The following DOCK2 variants were observed in gnomAD, a reference collection of about 807,000 sequenced individuals.
DOCK2 encodes the protein dedicator of cytokinesis protein 2.
A neutral mutation model predicts 248.9 loss-of-function variants in DOCK2; 87 were observed. The ratio of observed to expected loss-of-function variants is 0.35; its 90% CI spans 0.29 to 0.42. The LOEUF is 0.42. DOCK2 is among the 10% of genes least tolerant of loss of function. The probability of loss-of-function intolerance (pLI) is 1.00; values close to 1 mark genes in which losing one functional copy is unlikely to be tolerated. For missense variants in DOCK2, 1,747 were observed against 2,300.2 expected (o/e 0.76, Z 4.92); for synonymous variants, 805 against 821.6 (o/e 0.98, Z 0.35).
Position 169,676,578 on chromosome 5 carries a change from C to T in DOCK2, c.470+2133C>T, listed in dbSNP as rs567544378. Among the ~76,000 whole-genome samples, 11 of 152,280 alleles carry T rather than the reference C, an allele frequency of 7.2e-5. 1 individual carries two copies. The South Asian group carries it at 2.1e-3, about 29-fold the overall frequency. Reference sequence around the variant, plus strand: ...AGCGAGAGAGTTGGGCAACTTATCACTGGCCTGATAGTTTAGGTGCTCAGA... The same window carrying T: ...AGCGAGAGAGTTGGGCAACTTATCATTGGCCTGATAGTTTAGGTGCTCAGA... On this transcript the variant is annotated intron_variant, in intron 6 of 51. Transcript: ENST00000520908.
chr5:169,641,339 G>C (rs191279658), intron 1 of DOCK2, among the ~76,000 whole-genome samples: 1 of 152,302 alleles, frequency 6.6e-6, no homozygotes, highest in Non-Finnish European at 1.5e-5. Context: ...TTCACAGCTT[G>C]GTTGGGGAAT....
At chr5:169,710,923 G>A (rs1190995109) in intron 15 of DOCK2, among the ~76,000 whole-genome samples, 4 of 152,150 alleles carry the variant, frequency 2.6e-5, no homozygotes, top group East Asian at 1.9e-4. Context: ...TGTGTAACAC[G>A]GAACAATGAG....
rs1554091066 is a variant in DOCK2, at chr5:169,704,787, G to GTGTGTA, written c.1383+2365_1383+2366insATGTGT. On this transcript the variant is annotated intron_variant, in intron 14 of 51. Transcript: ENST00000520908. Reference sequence around the variant, plus strand: ...TGTGTGTGTGTGTGTGTGTGTGTGTGTGTGTGTGTGTGTGTGTGTATGTGT... The same window carrying GTGTGTA: ...TGTGTGTGTGTGTGTGTGTGTGTGTGTGTGTATGTGTGTGTGTGTGTGTGTATGTGT... 2.6e-4 allele frequency among the ~76,000 whole-genome samples: 38 copies of GTGTGTA among 146,984 alleles called. No homozygotes were observed. The East Asian group carries it at 6.2e-3, about 24-fold the overall frequency.
intron 33 of DOCK2, among the ~76,000 whole-genome samples, chr5:170,025,835 C>CCTTCCTTCCTTG: frequency 8.0e-6 from 1 of 124,904 alleles, no homozygotes; most frequent in African/African-American, 3.1e-5. Flanking sequence ...TTCCTTCCTT[C>CCTTCCTTCCTTG]CTTCCTTCCT....
chr5:169,851,792 A>G (rs1770628380), intron 27 of DOCK2, among the ~76,000 whole-genome samples: 1 of 152,098 alleles, frequency 6.6e-6, no homozygotes, highest in Non-Finnish European at 1.5e-5. Flanking sequence ...AAGGGGGAAG[A>G]GCCCCTTTAT....
chr5:169,896,929 C>CT (rs1773644866), intron 27 of DOCK2, among the ~76,000 whole-genome samples: 1 of 152,172 alleles, frequency 6.6e-6, no homozygotes, highest in Non-Finnish European at 1.5e-5. Context: ...TGAGCATCAA[C>CT]TTTGACGTGA....
intron 27 of DOCK2, among the ~76,000 whole-genome samples, chr5:169,952,357 C>T (rs1339661178): frequency 2.0e-5 from 3 of 152,040 alleles, no homozygotes; most frequent in Admixed American, 6.6e-5. Flanking sequence ...GTCCTTTCTC[C>T]AAGTAACTCA....
intron 27 of DOCK2, among the ~76,000 whole-genome samples, chr5:169,977,762 G>A (rs779278818): frequency 1.3e-5 from 2 of 152,168 alleles, no homozygotes; most frequent in African/African-American, 2.4e-5. Flanking sequence ...GCACACCTTA[G>A]TTTTCCCAAA....
rs577304720 is a variant in DOCK2, at chr5:169,875,301, G to A, written c.2799+34449G>A. On this transcript the variant is annotated intron_variant, in intron 27 of 51. Transcript: ENST00000520908. ...TCAGTGGCTTTGGGGCTGAAACCCA[G>A]CAACAAGTTTCCATAGACACCCAGG... 689 of 456,672 alleles carry A rather than the reference G, an allele frequency of 1.5e-3. 1 individual carries two copies. The highest frequency in any genetic ancestry group is 2.3e-3 in the Non-Finnish European group (529 of 226,952). 28.3% of individuals were successfully genotyped at this position (456,672 alleles called of 1,614,324 possible).
intron 51 of DOCK2, 38 bp from the exon 52 acceptor site, chr5:170,082,758 T>C: frequency 6.2e-7 from 1 of 1,613,518 alleles, no homozygotes; most frequent in South Asian, 1.1e-5. Flanking sequence ...AATCTGATAA[T>C]CGCATCTTGG....
At chr5:169,772,686 A>G (rs932217489) in intron 25 of DOCK2, among the ~76,000 whole-genome samples, 1 of 152,198 alleles carries the variant, frequency 6.6e-6, no homozygotes, top group Non-Finnish European at 1.5e-5. Flanking sequence ...CACAGTGATA[A>G]TAATTCTGAA....
At chr5:170,081,496 C>A in intron 50 of DOCK2, 1 of 239,332 alleles carries the variant, frequency 4.2e-6, no homozygotes. Context: ...GAGAGAAATC[C>A]AGGGTGTTGG....
rs546404687 is a variant in DOCK2, at chr5:169,648,454, C to T, written c.44-5949C>T. ...TGTCACTGGCTCGCTAAAAACTGTGCGCTACAATATGCAGCCCATAAGGTT... is the reference window on the plus strand; with the variant it reads ...TGTCACTGGCTCGCTAAAAACTGTGTGCTACAATATGCAGCCCATAAGGTT... On this transcript the variant is annotated intron_variant, in intron 1 of 51. Transcript: ENST00000520908. Among the ~76,000 whole-genome samples, 26 of 152,260 alleles carry T rather than the reference C, an allele frequency of 1.7e-4. No individual in the cohort carries two copies. The South Asian group carries it at 2.7e-3, about 16-fold the overall frequency.
chr5:169,935,552 A>G (rs1775949512), intron 27 of DOCK2, among the ~76,000 whole-genome samples: 1 of 152,164 alleles, frequency 6.6e-6, no homozygotes, highest in Admixed American at 6.5e-5. Context: ...GGAGACTATT[A>G]AGAAGCCAGC....
At chr5:169,844,704 T>A (rs981759615) in intron 27 of DOCK2, among the ~76,000 whole-genome samples, 1 of 151,918 alleles carries the variant, frequency 6.6e-6, no homozygotes, top group African/African-American at 2.4e-5. Context: ...CAATGATGAA[T>A]GATATTGATC....
chr5:170,078,785 A>C (rs1462943714), intron 48 of DOCK2, among the ~76,000 whole-genome samples, 190 bp from the exon 49 acceptor site: 2 of 152,200 alleles, frequency 1.3e-5, no homozygotes, highest in African/African-American at 4.8e-5. Context: ...AACTTTACTC[A>C]TCACATTTAA....
At chr5:169,784,317 A>G (rs1765872858) in intron 25 of DOCK2, among the ~76,000 whole-genome samples, 1 of 152,188 alleles carries the variant, frequency 6.6e-6, no homozygotes, top group Non-Finnish European at 1.5e-5. Flanking sequence ...CAAAACACAG[A>G]CGGGAAAAGT....
At chr5:170,050,672 A>G (rs1756881902) in intron 41 of DOCK2, among the ~76,000 whole-genome samples, 1 of 152,146 alleles carries the variant, frequency 6.6e-6, no homozygotes, top group Non-Finnish European at 1.5e-5. Flanking sequence ...CTAGAATGTC[A>G]ACTGTATAAG....
intron 11 of DOCK2, 85 bp from the exon 12 acceptor site, chr5:169,699,297 T>G: frequency 7.4e-7 from 1 of 1,356,642 alleles, no homozygotes; most frequent in Non-Finnish European, 1.0e-6. Flanking sequence ...CTGAGGCGTG[T>G]GGAGGGGCTG....
Sources: allele counts gnomAD v4.1 joint callset (sites outside exome capture counted in the v4.1 genomes callset), GRCh38; gene constraint gnomAD v4.1.1; transcripts MANE v1.5; gene names NCBI Gene and HGNC (gene_info 2026-07-23, HGNC 2026-07-21).